The following SUGP2 variants were observed in gnomAD, a reference collection of about 807,000 sequenced individuals.
The protein encoded by SUGP2 is SURP and G-patch domain containing 2, also known as SURP and G-patch domain-containing protein 2.
SUGP2 carries 24 observed loss-of-function variants against 90.5 expected under a neutral mutation model. The observed-to-expected ratio is 0.27, with a 90% CI of 0.19 to 0.37. The LOEUF is 0.37. SUGP2 is among the 10% of genes least tolerant of loss of function. The pLI, the probability that SUGP2 is intolerant of heterozygous loss-of-function variation, is 1.00. For synonymous variants in SUGP2, 473 were observed against 513.4 expected (o/e 0.92, Z 1.06); for missense variants, 1,233 against 1,363.3 (o/e 0.90, Z 1.51).
At position 18,993,292 on chromosome 19, in the gene SUGP2, C is replaced by G. The variant is rs2057438538; in HGVS notation, c.*449G>C. 6.6e-6 allele frequency: 1 copy of G among 152,102 alleles called. No homozygotes were observed. The highest frequency in any genetic ancestry group is 1.5e-5 in the Non-Finnish European group (1 of 68,030). The allele number at this position is 152,102 out of a possible 1,614,324, so 9.4% of individuals were successfully genotyped here. On this transcript the variant is annotated 3_prime_UTR_variant, in exon 11 of 11. Coordinates refer to ENST00000452918, the MANE Select transcript of SUGP2 (RefSeq NM_001017392.5). ...TGGTAATTACCGGGAATTTGTCTCC[C>G]CCGTATAAATTCTGGCGAACAACGA...
At chr19:18,994,288 C>T in intron 10 of SUGP2, 78 bp downstream of exon 10, 1 of 1,557,294 alleles carries the variant, frequency 6.4e-7, no homozygotes, top group Non-Finnish European at 8.7e-7. Flanking sequence ...GGAACATCAA[C>T]TTTGTTGGGG....
intron 7 of SUGP2, among the ~76,000 whole-genome samples, chr19:19,003,194 A>G (rs1301200439): frequency 4.6e-5 from 7 of 152,240 alleles, no homozygotes. Context: ...ACAAAACATG[A>G]GGACTATTCC....
At chr19:19,030,620 G>A (rs1386314368) in intron 2 of SUGP2, among the ~76,000 whole-genome samples, 1 of 151,844 alleles carries the variant, frequency 6.6e-6, no homozygotes, top group Non-Finnish European at 1.5e-5. Flanking sequence ...ATGACTGACA[G>A]ATCAAAACAT....
Position 19,024,810 on chromosome 19 carries a change from G to T in SUGP2, c.1538C>A (p.Ala513Glu). 6.2e-7 allele frequency: 1 copy of T among 1,614,178 alleles called. No individual in the cohort carries two copies. Among genetic ancestry groups the T allele is most frequent in the South Asian group, 1.1e-5 (1 of 91,086 alleles). Reference protein sequence around the residue: ...GLQDIAPSPAAFPNFEDSTLF... With the variant: ...GLQDIAPSPAEFPNFEDSTLF... ...AGTGGAGTCTTCGAAGTTTGGAAACGCAGCAGGTGAGGGAGCTATATCTTG... is the reference window on the plus strand; with the variant it reads ...AGTGGAGTCTTCGAAGTTTGGAAACTCAGCAGGTGAGGGAGCTATATCTTG... Residue 513 changes from alanine (A) to glutamate (E), a missense_variant, in exon 3 of 11, where the codon GCG becomes GAG. Ala to Glu is a moderately radical substitution (Grantham distance 107). Around this residue, in one of 8 missense-constraint regions of SUGP2, gnomAD observed 540 missense variants for 542.6 expected, o/e 1.00. Coordinates refer to ENST00000452918, the MANE Select transcript of SUGP2 (RefSeq NM_001017392.5).
At chr19:19,022,146 G>A (rs1301250876) in intron 3 of SUGP2, among the ~76,000 whole-genome samples, 2 of 151,924 alleles carry the variant, frequency 1.3e-5, no homozygotes, top group African/African-American at 2.4e-5. Context: ...CACCACGCCC[G>A]ACTAATTTTT....
At chr19:19,021,986 C>CT (rs979463257) in intron 3 of SUGP2, among the ~76,000 whole-genome samples, 2 of 151,252 alleles carry the variant, frequency 1.3e-5, no homozygotes, top group Non-Finnish European at 1.5e-5. Flanking sequence ...TTCTTTTTTT[C>CT]TTTTTTTTCT....
intron 8 of SUGP2, among the ~76,000 whole-genome samples, chr19:18,997,782 C>CAAAAAAAAAAAAAAAAAAAAA (rs35875282): frequency 1.1e-5 from 1 of 88,288 alleles, no homozygotes; most frequent in Non-Finnish European, 2.2e-5. Context: ...GACTCCGTCT[C>CAAAAAAAAAAAAAAAAAAAAA]AAAAAAAAAA....
At position 18,995,192 on chromosome 19, in the gene SUGP2, C is replaced by T; in HGVS notation, c.3080G>A (p.Gly1027Asp). 1 of 1,613,074 alleles carries T rather than the reference C, an allele frequency of 6.2e-7. No homozygotes were observed. Among genetic ancestry groups the T allele is most frequent in the Non-Finnish European group, 8.5e-7 (1 of 1,179,936 alleles). ...CTTTCCGAGGGAGCCCAGGCCATGG[C>T]CCTCCTTCCAGCCCATCTTCTGCAG... ...QMLQKMGWKE[G>D]HGLGSLGKGI... The change falls in exon 9 of 11, where the codon GGC becomes GAC. Residue 1027 changes from glycine to aspartate, a missense_variant. By Grantham distance (94) the Gly-to-Asp change is moderately conservative. This residue lies in a region of SUGP2 where 105 missense variants were observed against 155.2 expected (regional missense o/e 0.68). Transcript: ENST00000452918.
chr19:19,029,605 ATT>A (rs772804457), intron 2 of SUGP2, among the ~76,000 whole-genome samples: 2,586 of 136,436 alleles, frequency 0.019, 82 homozygotes, highest in African/African-American at 0.067. Flanking sequence ...CACCTGGCTA[ATT>A]TTTTTTTTTT....
chr19:18,997,523 G>A (rs1343719024), intron 8 of SUGP2, among the ~76,000 whole-genome samples: 2 of 152,108 alleles, frequency 1.3e-5, no homozygotes, highest in South Asian at 4.1e-4. Flanking sequence ...GGTGGCTCAC[G>A]CCTGTAGTCC....
chr19:19,032,423 T>A (rs139339816), intron 1 of SUGP2, among the ~76,000 whole-genome samples: 1 of 152,278 alleles, frequency 6.6e-6, no homozygotes, highest in African/African-American at 2.4e-5. Context: ...CCTCCCAAAG[T>A]GCTGGGATTC....
chr19:19,030,937 A>ACAC lies in SUGP2; in HGVS notation c.121+11_121+13dup. On this transcript the variant is annotated intron_variant, in intron 2 of 10. Transcript: ENST00000452918. The stretch of plus-strand genomic sequence containing the variant: ...TACCAAAACAACAACTACAACAACA[A>ACAC]CACTTTATTTTACCTTGAGCTTTAA... 6.2e-7 allele frequency: 1 copy of ACAC among 1,605,814 alleles called. No individual in the cohort carries two copies. Among genetic ancestry groups the ACAC allele is most frequent in the Middle Eastern group, 1.7e-4 (1 of 6,008 alleles).
At chr19:19,032,831 T>C (rs147916621) in intron 1 of SUGP2, among the ~76,000 whole-genome samples, 2 of 152,214 alleles carry the variant, frequency 1.3e-5, no homozygotes, top group East Asian at 1.9e-4. Flanking sequence ...CATCAAGATA[T>C]CCCGCTTCGC....
chr19:18,994,541 C>T, intron 9 of SUGP2, 55 bp from the exon 10 acceptor site: 1 of 1,600,270 alleles, frequency 6.2e-7, no homozygotes. Context: ...CCTGGCATGC[C>T]AGGAACTGGG....
At chr19:19,013,627 CTTTTA>C (rs2058385215) in intron 4 of SUGP2, among the ~76,000 whole-genome samples, 1 of 152,168 alleles carries the variant, frequency 6.6e-6, no homozygotes, top group South Asian at 2.1e-4. Context: ...ATTTTAGTTT[CTTTTA>C]TTTCACCCCA....
intron 8 of SUGP2, among the ~76,000 whole-genome samples, chr19:19,000,780 A>T (rs1268768656): frequency 6.7e-6 from 1 of 149,538 alleles, no homozygotes; most frequent in East Asian, 2.0e-4. Context: ...CAATCAGCTC[A>T]CTGCAGCCAC....
intron 9 of SUGP2, chr19:18,994,777 G>A: frequency 7.5e-6 from 4 of 531,978 alleles, no homozygotes; most frequent in Non-Finnish European, 1.3e-5. Flanking sequence ...TATGATCGGG[G>A]TTTAATAAAC....
rs2057363669 is a variant in SUGP2 at position 18,991,607 on chromosome 19, C to G, written c.*2134G>C. 2 of 152,270 alleles carry G rather than the reference C, an allele frequency of 1.3e-5. No individual in the cohort carries two copies. The highest frequency in any genetic ancestry group is 2.4e-5 in the African/African-American group (1 of 41,454). The allele number at this position is 152,270 out of a possible 1,614,324, so 9.4% of individuals were successfully genotyped here. ...CAAGAATGAACATGCTAGGACAAAG[C>G]ACATGGAATGGTCAGGGCGATGCTG... On this transcript the variant is annotated 3_prime_UTR_variant, in exon 11 of 11. Coordinates refer to ENST00000452918, the MANE Select transcript of SUGP2 (RefSeq NM_001017392.5).
At chr19:19,005,723 A>G (rs535280669) in intron 6 of SUGP2, among the ~76,000 whole-genome samples, 2 of 152,152 alleles carry the variant, frequency 1.3e-5, no homozygotes, top group African/African-American at 4.8e-5. Context: ...CGTCCAGGCT[A>G]GAGTGCAGTG....
Sources: allele counts gnomAD v4.1 joint callset (sites outside exome capture counted in the v4.1 genomes callset), GRCh38; gene constraint gnomAD v4.1.1; regional missense constraint gnomAD v4.1.1; transcripts MANE v1.5; gene names NCBI Gene and HGNC (gene_info 2026-07-23, HGNC 2026-07-21).